The following MCUB variants were observed in gnomAD, a reference collection of about 807,000 sequenced individuals.
MCUB encodes the protein mitochondrial calcium uniporter dominant negative subunit beta.
In MCUB, 46 loss-of-function variants were observed where a neutral mutation model predicts 41.4. The ratio of observed to expected loss-of-function variants is 1.11; its 90% CI spans 0.88 to 1.42. The LOEUF is 1.42. MCUB is among the 40% of genes most tolerant of loss of function. The pLI is 0.00. For missense variants in MCUB, 403 were observed against 404.9 expected (o/e 1.00, Z 0.04); for synonymous variants, 148 against 148.2 (o/e 1.00, Z 0.01).
chr4:109,682,610 G>C lies in MCUB; in HGVS notation c.480G>C (p.Glu160Asp). ...AACCAAGTAATGAGCACACTGCTGA[G>C]ATGGAACACATGAAATCTTTGGTTC... ...REKPSNEHTA[E>D]MEHMKSLVHR... The change falls in exon 5 of 8, where the codon GAG becomes GAC. Residue 160 changes from glutamate to aspartate, a missense_variant. By Grantham distance (45) the Glu-to-Asp change is conservative (BLOSUM62 2). Transcript: ENST00000394650. 6.2e-7 allele frequency: 1 copy of C among 1,613,098 alleles called. No individual in the cohort carries two copies. The highest frequency in any genetic ancestry group is 8.5e-7 in the Non-Finnish European group (1 of 1,179,538).
chr4:109,564,251 G>A (rs1177178523), intron 1 of MCUB, among the ~76,000 whole-genome samples: 3 of 151,986 alleles, frequency 2.0e-5, no homozygotes, highest in Admixed American at 6.5e-5. Flanking sequence ...CCCTGCCTCA[G>A]CCTCCAAGTA....
intron 1 of MCUB, among the ~76,000 whole-genome samples, chr4:109,577,131 C>T (rs1040955056): frequency 4.6e-5 from 7 of 152,150 alleles, no homozygotes; most frequent in Non-Finnish European, 7.4e-5. Flanking sequence ...GGATTACAGG[C>T]GTGAGCCACC....
chr4:109,680,111 A>C (rs1425998908), intron 4 of MCUB, among the ~76,000 whole-genome samples: 1 of 152,102 alleles, frequency 6.6e-6, no homozygotes, highest in Non-Finnish European at 1.5e-5. Flanking sequence ...CTGAGGGTAT[A>C]AATTTTTTAT....
At chr4:109,594,347 G>A (rs1325592231) in intron 1 of MCUB, among the ~76,000 whole-genome samples, 1 of 152,204 alleles carries the variant, frequency 6.6e-6, no homozygotes, top group Non-Finnish European at 1.5e-5. Flanking sequence ...TGTCATAATA[G>A]GCCTAGTGGC....
At chr4:109,624,271 G>A (rs1403192483) in intron 1 of MCUB, among the ~76,000 whole-genome samples, 1 of 152,174 alleles carries the variant, frequency 6.6e-6, no homozygotes, top group Non-Finnish European at 1.5e-5. Flanking sequence ...TCAACTCATG[G>A]ACCAAGGCAC....
intron 1 of MCUB, among the ~76,000 whole-genome samples, chr4:109,603,658 G>A (rs1299418342): frequency 2.0e-5 from 3 of 148,508 alleles, no homozygotes; most frequent in Non-Finnish European, 4.5e-5. Context: ...ACTGAGGAGC[G>A]CCTCTGCCCG....
chr4:109,663,940 C>A (rs530041961), intron 3 of MCUB, among the ~76,000 whole-genome samples: 1 of 152,170 alleles, frequency 6.6e-6, no homozygotes, highest in Admixed American at 6.5e-5. Flanking sequence ...AAAACTGTCA[C>A]CTGCCACTGC....
intron 1 of MCUB, among the ~76,000 whole-genome samples, chr4:109,590,810 A>G (rs958218792): frequency 1.3e-5 from 2 of 152,180 alleles, no homozygotes; most frequent in African/African-American, 4.8e-5. Flanking sequence ...TTAGCTTAGT[A>G]TTCAGGGTTT....
At chr4:109,599,751 C>T (rs1441652739) in intron 1 of MCUB, among the ~76,000 whole-genome samples, 1 of 152,078 alleles carries the variant, frequency 6.6e-6, no homozygotes, top group Non-Finnish European at 1.5e-5. Context: ...TCACTGCAAC[C>T]TCTACCTCCC....
At chr4:109,675,481 T>C (rs1245423293) in intron 4 of MCUB, among the ~76,000 whole-genome samples, 1 of 152,252 alleles carries the variant, frequency 6.6e-6, no homozygotes, top group Admixed American at 6.5e-5. Context: ...ATCATTTGGA[T>C]GACAACTCTG....
In MCUB at chr4:109,577,736, G is replaced by A. The variant is rs201679108; in HGVS notation, c.99+17300G>A. On this transcript the variant is annotated intron_variant, in intron 1 of 7. Transcript: ENST00000394650. ...CGCCATTCTCCTGCCTCAGCCTCCC[G>A]AGTAGCTGGGACTACAGGCGCCCGC... 3.2e-4 allele frequency among the ~76,000 whole-genome samples: 24 copies of A among 74,674 alleles called. 9 individuals carry two copies. The highest frequency in any genetic ancestry group is 0.013 in the Middle Eastern group (2 of 156). The allele number at this position is 74,674 out of a possible 152,430, so 49.0% of individuals were successfully genotyped here. A position where few individuals can be genotyped will look rare whatever the true frequency, so the allele number is the denominator to read the frequency against.
At chr4:109,609,370 G>A (rs956050112) in intron 1 of MCUB, among the ~76,000 whole-genome samples, 1 of 152,206 alleles carries the variant, frequency 6.6e-6, no homozygotes, top group African/African-American at 2.4e-5. Context: ...TAGACCATAT[G>A]TGGTGACTTC....
intron 4 of MCUB, among the ~76,000 whole-genome samples, chr4:109,666,257 A>T (rs1325704305): frequency 6.6e-6 from 1 of 152,202 alleles, no homozygotes; most frequent in Admixed American, 6.5e-5. Flanking sequence ...AGTTGCTATA[A>T]ATACACATGC....
chr4:109,627,215 C>CT (rs33969659), intron 1 of MCUB, among the ~76,000 whole-genome samples: 14,818 of 152,146 alleles, frequency 0.097, 811 homozygotes, highest in Middle Eastern at 0.12. Context: ...TAATTCTTCA[C>CT]TTTTTTTGTG....
chr4:109,665,475 G>A (rs1290675469), intron 4 of MCUB, among the ~76,000 whole-genome samples: 1 of 151,996 alleles, frequency 6.6e-6, no homozygotes, highest in East Asian at 1.9e-4. Flanking sequence ...TACAGAATAG[G>A]GCCAGGCAAA....
chr4:109,608,035 T>C (rs1727920739), intron 1 of MCUB, among the ~76,000 whole-genome samples: 1 of 152,224 alleles, frequency 6.6e-6, no homozygotes, highest in Non-Finnish European at 1.5e-5. Flanking sequence ...TATGACCCTT[T>C]GAAGCCCTTC....
At chr4:109,659,830 G>A (rs749375462) in intron 2 of MCUB, among the ~76,000 whole-genome samples, 2 of 152,034 alleles carry the variant, frequency 1.3e-5, no homozygotes, top group African/African-American at 4.8e-5. Flanking sequence ...CTTAATTTTC[G>A]TATATTTTGT....
intron 1 of MCUB, among the ~76,000 whole-genome samples, chr4:109,598,624 G>GGGAGACCGTGGGGAAACGGGAGAC (rs1727647513): frequency 6.7e-6 from 1 of 150,240 alleles, no homozygotes; most frequent in Non-Finnish European, 1.5e-5. Context: ...AGACGGGAGA[G>GGGAGACCGTGGGGAAACGGGAGAC]GGAGAGGGAG....
At chr4:109,684,712 T>C in intron 6 of MCUB, 66 bp downstream of exon 6, 1 of 771,486 alleles carries the variant, frequency 1.3e-6, no homozygotes, top group Non-Finnish European at 2.2e-6. Flanking sequence ...ATCTAAGCAA[T>C]GAGCAAAAAA....
Sources: gnomAD v4.1 joint callset for allele counts (sites outside exome capture counted in the v4.1 genomes callset) on GRCh38, gnomAD v4.1.1 for gene constraint, MANE v1.5 for transcripts, NCBI Gene and HGNC (gene_info 2026-07-23, HGNC 2026-07-21) for gene names.